The following ADGRL3 variants were observed in gnomAD, a reference collection of about 807,000 sequenced individuals.
ADGRL3 encodes calcium-independent alpha-latrotoxin receptor 3.
In ADGRL3, 62 loss-of-function variants were observed where a neutral mutation model predicts 153.5. That is an observed-to-expected ratio of 0.40 (90% CI 0.33 to 0.50). The LOEUF (loss-of-function observed/expected upper bound fraction) is 0.50, where lower values mean the gene tolerates loss of function less well. ADGRL3 is among the 20% of genes least tolerant of loss of function. The pLI is 0.47. For synonymous variants in ADGRL3, 710 were observed against 672.5 expected, an observed-to-expected ratio of 1.06 and a Z score of -0.86; for missense variants, 1,641 against 1,859.4, an observed-to-expected ratio of 0.88 and a Z score of 2.16.
chr4:61,676,759 T>A, intron 5 of ADGRL3, 67 bp from the exon 6 acceptor site: 1 of 1,034,698 alleles, frequency 9.7e-7, no homozygotes. Flanking sequence ...ATAAAATTAG[T>A]GTTGATGTTG....
At chr4:61,685,815 C>A (rs2095431925) in intron 6 of ADGRL3, among the ~76,000 whole-genome samples, 1 of 152,046 alleles carries the variant, frequency 6.6e-6, no homozygotes, top group Non-Finnish European at 1.5e-5. Context: ...AACTGACCTT[C>A]TCTTTCTAAT....
At chr4:61,536,386 T>C (rs539908494) in intron 4 of ADGRL3, among the ~76,000 whole-genome samples, 16 of 152,238 alleles carry the variant, frequency 1.1e-4, no homozygotes, top group African/African-American at 3.9e-4. Flanking sequence ...TCTGTAGATA[T>C]CTACTAGGCT....
chr4:61,337,441 C>T lies in ADGRL3; in HGVS notation c.-239-45683C>T, dbSNP rs183050506. On this transcript the variant is annotated intron_variant, in intron 1 of 26. Transcript: ENST00000683033. ...CCAAGTTATGAAGAAATGCAACATG[C>T]TTGGGTTGCTACAGCAGACTGGAGA... Among the ~76,000 whole-genome samples, 450 of 152,238 alleles carry T rather than the reference C, an allele frequency of 3.0e-3. 3 individuals are homozygous for T. The highest frequency in any genetic ancestry group is 5.1e-3 in the Non-Finnish European group (346 of 68,016).
chr4:61,205,694 C>T (rs1577847351), intron 1 of ADGRL3, among the ~76,000 whole-genome samples: 2 of 152,092 alleles, frequency 1.3e-5, no homozygotes, highest in African/African-American at 2.4e-5. Flanking sequence ...GAGTAAGGTC[C>T]TCCTGACATT....
intron 5 of ADGRL3, among the ~76,000 whole-genome samples, chr4:61,636,641 TATGTAGTGATCTTTG>T (rs112475430): frequency 4.9e-4 from 75 of 152,036 alleles, no homozygotes; most frequent in African/African-American, 1.8e-3. Context: ...ACCAGATACG[TATGTAGTGATCTTTG>T]AGTTGAAGAA....
chr4:61,517,440 C>A lies in ADGRL3; in HGVS notation c.181C>A (p.His61Asn). 2.5e-6 allele frequency: 2 copies of A among 799,174 alleles called. No individual in the cohort carries two copies. The highest frequency in any genetic ancestry group is 4.2e-6 in the Non-Finnish European group (2 of 472,900). The allele number at this position is 799,174 out of a possible 1,614,324, so 49.5% of individuals were successfully genotyped here. Residue 61 changes from histidine (H) to asparagine (N), a missense_variant, in exon 4 of 27, where the codon CAT becomes AAT. This residue lies in a region of ADGRL3 where 145 missense variants were observed against 79.1 expected (regional missense o/e 1.83). Transcript: ENST00000683033. ...GCCAGCTGCAGAGCGCACCGCTGCT[C>A]ATCGTGGACAAGGGCCCCGTGGAGC... Reference protein sequence around the residue: ...QQPAAERTAAHRGQGPRGATR... With the variant: ...QQPAAERTAANRGQGPRGATR...
At chr4:61,872,408 CTT>C (rs10715924) in intron 9 of ADGRL3, among the ~76,000 whole-genome samples, 2,154 of 133,040 alleles carry the variant, frequency 0.016, 18 homozygotes, top group Middle Eastern at 0.056. Context: ...TCCTTCTTTC[CTT>C]TTTTTTTTTT....
chr4:61,208,440 A>G (rs1258854156), intron 1 of ADGRL3, among the ~76,000 whole-genome samples: 1 of 152,176 alleles, frequency 6.6e-6, no homozygotes, highest in East Asian at 1.9e-4. Context: ...TGCTGCTATT[A>G]TGATTACTAT....
At chr4:61,227,724 G>A (rs1200996858) in intron 1 of ADGRL3, among the ~76,000 whole-genome samples, 1 of 151,888 alleles carries the variant, frequency 6.6e-6, no homozygotes, top group African/African-American at 2.4e-5. Context: ...CTATTCTTTT[G>A]TCAAAAATCA....
chr4:61,529,580 A>G (rs890088065), intron 4 of ADGRL3, among the ~76,000 whole-genome samples: 2 of 152,168 alleles, frequency 1.3e-5, no homozygotes, highest in African/African-American at 4.8e-5. Context: ...TTTTATATCT[A>G]TAAGTTAGTG....
rs1221145645 is a variant in ADGRL3 at position 62,028,888 on chromosome 4, A to C, written c.3422+7A>C. On this transcript the variant is annotated splice_region_variant and intron_variant, in intron 22 of 26. Coordinates refer to ENST00000683033, the MANE Select transcript of ADGRL3 (RefSeq NM_001387552.1). ...ATAACAGACCCTTCATCAAGTAAGA[A>C]TGACCTGAATGGCTGATAAATTCCG... is the stretch of plus-strand genomic sequence containing the variant. The C allele has an allele frequency of 1.2e-6, 2 of 1,603,892 alleles. No homozygotes were observed. Among genetic ancestry groups the C allele is most frequent in the South Asian group, 2.2e-5 (2 of 89,630 alleles).
rs117211308 is a variant in ADGRL3 at position 61,528,690 on chromosome 4, G to T, written c.259+11172G>T. Among the ~76,000 whole-genome samples, 928 of 152,168 alleles carry T rather than the reference G, an allele frequency of 6.1e-3. 18 individuals carry two copies. The highest frequency in any genetic ancestry group is 0.032 in the Admixed American group (484 of 15,284). ...TAGCCAGAGGCAAGGATGCAGATGG[G>T]GGTAGGTTTACACAATTAGGATAGG... On this transcript the variant is annotated intron_variant, in intron 4 of 26. Transcript: ENST00000683033.
At chr4:61,627,695 A>G (rs2149959484) in intron 5 of ADGRL3, among the ~76,000 whole-genome samples, 1 of 152,278 alleles carries the variant, frequency 6.6e-6, no homozygotes, top group Middle Eastern at 3.4e-3. Flanking sequence ...TTGGAATTAC[A>G]AAAGACTGCA....
At chr4:61,256,621 T>C (rs1437804009) in intron 1 of ADGRL3, among the ~76,000 whole-genome samples, 1 of 152,108 alleles carries the variant, frequency 6.6e-6, no homozygotes, top group African/African-American at 2.4e-5. Flanking sequence ...TGTGAGTGAA[T>C]GAATACCAAA....
At position 62,070,914 on chromosome 4, in the gene ADGRL3, GAC is replaced by G. The variant is rs1338219078; in HGVS notation, c.*10_*11del. On this transcript the variant is annotated 3_prime_UTR_variant, in exon 27 of 27. Coordinates refer to ENST00000683033, the MANE Select transcript of ADGRL3 (RefSeq NM_001387552.1). ...ATTTGGTCACTAGTCTATAGAAGAT[GAC>G]ACAGAAATTGGAACCAACAAAACTG... 6.5e-7 allele frequency: 1 copy of G among 1,532,874 alleles called. No individual in the cohort carries two copies. Among genetic ancestry groups the G allele is most frequent in the Non-Finnish European group, 8.8e-7 (1 of 1,137,476 alleles). 95.0% of individuals were successfully genotyped at this position (1,532,874 alleles called of 1,614,324 possible).
At chr4:61,814,384 C>T (rs2097665084) in intron 9 of ADGRL3, among the ~76,000 whole-genome samples, 1 of 151,374 alleles carries the variant, frequency 6.6e-6, no homozygotes, top group Non-Finnish European at 1.5e-5. Flanking sequence ...AAATTGGTGC[C>T]ACCTGTTTCA....
chr4:61,389,057 G>A (rs1347517480), intron 2 of ADGRL3, among the ~76,000 whole-genome samples: 1 of 151,812 alleles, frequency 6.6e-6, no homozygotes, highest in East Asian at 1.9e-4. Flanking sequence ...GTTTTTATGT[G>A]TCTTTTATAT....
intron 1 of ADGRL3, among the ~76,000 whole-genome samples, chr4:61,294,880 A>G (rs1168383369): frequency 8.3e-6 from 1 of 120,384 alleles, no homozygotes; most frequent in Non-Finnish European, 1.7e-5. Flanking sequence ...TTCAAATTAA[A>G]TTTTACACAC....
intron 20 of ADGRL3, among the ~76,000 whole-genome samples, chr4:61,997,062 T>G (rs1166718217): frequency 6.6e-6 from 1 of 152,098 alleles, no homozygotes; most frequent in East Asian, 1.9e-4. Flanking sequence ...TCTGAAATCT[T>G]TGGGACAAGA....
Sources: gnomAD v4.1 joint callset for allele counts (sites outside exome capture counted in the v4.1 genomes callset) on GRCh38, gnomAD v4.1.1 for gene constraint, gnomAD v4.1.1 regional missense constraint, MANE v1.5 for transcripts, NCBI Gene and HGNC (gene_info 2026-07-23, HGNC 2026-07-21) for gene names.